KDM7A: variants seen among roughly 807,000 people sequenced by gnomAD.
KDM7A encodes the protein lysine-specific demethylase 7A.
A neutral mutation model predicts 114.8 loss-of-function variants in KDM7A; 28 were observed. The ratio of observed to expected loss-of-function variants is 0.24; its 90% CI spans 0.18 to 0.33. The LOEUF (loss-of-function observed/expected upper bound fraction) is 0.33, where lower values mean the gene tolerates loss of function less well. Among genes scored for constraint, KDM7A ranks in the 10% least tolerant of loss-of-function variants. The probability of loss-of-function intolerance (pLI) is 1.00; values close to 1 mark genes in which losing one functional copy is unlikely to be tolerated. For missense variants in KDM7A, 942 were observed against 1,142.5 expected (o/e 0.82, Z 2.53); for synonymous variants, 423 against 397.8 (o/e 1.06, Z -0.75).
chr7:140,134,306 T>A (rs1818835124), intron 2 of KDM7A, among the ~76,000 whole-genome samples: 2 of 152,310 alleles, frequency 1.3e-5, no homozygotes, highest in South Asian at 4.1e-4. Flanking sequence ...TTGGATTTGA[T>A]TCCTAGTTCA....
intron 1 of KDM7A, among the ~76,000 whole-genome samples, chr7:140,156,334 A>C (rs1794457656): frequency 6.6e-6 from 1 of 152,248 alleles, no homozygotes; most frequent in Non-Finnish European, 1.5e-5. Flanking sequence ...GTTAATACAC[A>C]AACACGATTA....
At chr7:140,152,318 G>C (rs1418109459) in intron 1 of KDM7A, among the ~76,000 whole-genome samples, 2 of 152,100 alleles carry the variant, frequency 1.3e-5, no homozygotes, top group Non-Finnish European at 2.9e-5. Context: ...ATATGACCCA[G>C]AGACCTCAAA....
At chr7:140,118,224 C>T (rs1034189007) in intron 9 of KDM7A, among the ~76,000 whole-genome samples, 28 of 152,182 alleles carry the variant, frequency 1.8e-4, no homozygotes, top group African/African-American at 6.5e-4. Context: ...ACTATTCTCA[C>T]TAGCACAAGA....
intron 1 of KDM7A, among the ~76,000 whole-genome samples, chr7:140,147,546 A>G (rs897497541): frequency 6.6e-6 from 1 of 152,164 alleles, no homozygotes; most frequent in African/African-American, 2.4e-5. Context: ...CTTCTCATCC[A>G]AAGCACCCAA....
At position 140,087,822 on chromosome 7, in the gene KDM7A, A is replaced by G. The variant is rs1295173602; in HGVS notation, c.*3272T>C. On this transcript the variant is annotated 3_prime_UTR_variant, in exon 20 of 20. Coordinates refer to ENST00000397560, the MANE Select transcript of KDM7A (RefSeq NM_030647.2). Reference sequence around the variant, plus strand: ...ATTACTTTCACTTCTACAGTGGCATATCTCAGTTGAAACTAAAAAAGTCAG... The same window carrying G: ...ATTACTTTCACTTCTACAGTGGCATGTCTCAGTTGAAACTAAAAAAGTCAG... 2 of 152,254 alleles carry G rather than the reference A, an allele frequency of 1.3e-5. No individual in the cohort carries two copies. Among genetic ancestry groups the G allele is most frequent in the Non-Finnish European group, 2.9e-5 (2 of 68,042 alleles). The allele number at this position is 152,254 out of a possible 1,614,324, so 9.4% of individuals were successfully genotyped here. A position where few individuals can be genotyped will look rare whatever the true frequency, so the allele number is the denominator to read the frequency against.
intron 1 of KDM7A, among the ~76,000 whole-genome samples, chr7:140,163,837 T>C (rs917343475): frequency 1.1e-4 from 17 of 152,310 alleles, no homozygotes; most frequent in African/African-American, 3.4e-4. Context: ...TCTCCTACAC[T>C]GTACAACTAG....
chr7:140,086,343 A>C lies in KDM7A; in HGVS notation c.*4751T>G, dbSNP rs893133184. On this transcript the variant is annotated 3_prime_UTR_variant, in exon 20 of 20. Coordinates refer to ENST00000397560, the MANE Select transcript of KDM7A (RefSeq NM_030647.2). ...TAGAAGGGGCACCAGGGGGAAGGGG[A>C]GAACCTAAGGATATTGCAAAAGAGT... 1 of 152,218 alleles carries C rather than the reference A, an allele frequency of 6.6e-6. No homozygotes were observed. Among genetic ancestry groups the C allele is most frequent in the African/African-American group, 2.4e-5 (1 of 41,460 alleles). The allele number at this position is 152,218 out of a possible 1,614,324, so 9.4% of individuals were successfully genotyped here.
intron 13 of KDM7A, among the ~76,000 whole-genome samples, chr7:140,099,404 C>T (rs1022988305): frequency 6.6e-6 from 1 of 151,984 alleles, no homozygotes; most frequent in African/African-American, 2.4e-5. Context: ...GCTAAGTTGC[C>T]CAAGCTAGTT....
At chr7:140,162,550 T>C (rs183657877) in intron 1 of KDM7A, among the ~76,000 whole-genome samples, 1 of 152,250 alleles carries the variant, frequency 6.6e-6, no homozygotes, top group Admixed American at 6.5e-5. Flanking sequence ...ATTTTTGTGT[T>C]AAGATGAATG....
chr7:140,108,889 C>A (rs1480166764), intron 11 of KDM7A, among the ~76,000 whole-genome samples: 1 of 152,204 alleles, frequency 6.6e-6, no homozygotes, highest in African/African-American at 2.4e-5. Flanking sequence ...CAGAGGCAGG[C>A]AGGCCTCCTT....
At chr7:140,102,603 G>A (rs574179147) in intron 11 of KDM7A, among the ~76,000 whole-genome samples, 6 of 152,090 alleles carry the variant, frequency 3.9e-5, no homozygotes, top group Non-Finnish European at 5.9e-5. Context: ...GAACTCCTGA[G>A]CTCAGGGGAT....
intron 9 of KDM7A, among the ~76,000 whole-genome samples, chr7:140,116,486 C>G (rs999940187): frequency 6.6e-6 from 1 of 151,946 alleles, no homozygotes; most frequent in Admixed American, 6.6e-5. Flanking sequence ...AGTATTAACA[C>G]AAAGGTCAGG....
chr7:140,130,930 T>C (rs1218387171), intron 3 of KDM7A, among the ~76,000 whole-genome samples: 1 of 142,874 alleles, frequency 7.0e-6, no homozygotes, highest in Non-Finnish European at 1.5e-5. Context: ...CTCAGCTCAC[T>C]GCAAGCTCCG....
At chr7:140,132,024 T>G (rs559357285) in intron 3 of KDM7A, among the ~76,000 whole-genome samples, 1 of 152,346 alleles carries the variant, frequency 6.6e-6, no homozygotes, top group African/African-American at 2.4e-5. Context: ...AAGAATATTA[T>G]GTATATCCAT....
intron 1 of KDM7A, among the ~76,000 whole-genome samples, chr7:140,158,219 A>C (rs904345611): frequency 2.6e-5 from 4 of 152,196 alleles, no homozygotes; most frequent in African/African-American, 7.2e-5. Flanking sequence ...ACTAAAGTTC[A>C]TTTAAGTATT....
At chr7:140,135,026 GTAAGTCC>G (rs1818844196) in intron 2 of KDM7A, among the ~76,000 whole-genome samples, 2 of 126,942 alleles carry the variant, frequency 1.6e-5, no homozygotes, top group Admixed American at 1.7e-4. Flanking sequence ...ATGGAAGAGC[GTAAGTCC>G]CATTAAAAAA....
chr7:140,114,311 G>A (rs952414636), intron 9 of KDM7A, among the ~76,000 whole-genome samples: 1 of 152,114 alleles, frequency 6.6e-6, no homozygotes, highest in African/African-American at 2.4e-5. Flanking sequence ...GGGATTGCAG[G>A]CGCGCGCCAC....
At chr7:140,116,498 T>C (rs1486422389) in intron 9 of KDM7A, among the ~76,000 whole-genome samples, 6 of 152,130 alleles carry the variant, frequency 3.9e-5, no homozygotes, top group Non-Finnish European at 8.8e-5. Flanking sequence ...AAGGTCAGGA[T>C]AATGGTTATC....
chr7:140,106,734 G>A (rs1465930485), intron 11 of KDM7A, among the ~76,000 whole-genome samples: 3 of 152,192 alleles, frequency 2.0e-5, no homozygotes, highest in African/African-American at 4.8e-5. Flanking sequence ...GAATAAGTGC[G>A]ACGTAGTGCT....
Sources: allele counts gnomAD v4.1 joint callset (sites outside exome capture counted in the v4.1 genomes callset), GRCh38; gene constraint gnomAD v4.1.1; transcripts MANE v1.5; gene names NCBI Gene and HGNC (gene_info 2026-07-23, HGNC 2026-07-21).